SYNE1: variants seen among roughly 807,000 people sequenced by gnomAD.
SYNE1 encodes spectrin repeat containing nuclear envelope protein 1.
Under a neutral mutation model 1,111.0 loss-of-function variants are expected in SYNE1, and 616 were observed. The ratio of observed to expected loss-of-function variants is 0.55; its 90% CI spans 0.52 to 0.59. SYNE1 has a LOEUF of 0.59. Ranked by LOEUF, SYNE1 falls within the 20% of genes least tolerant of loss-of-function variation. The pLI is 0.00. For synonymous variants in SYNE1, 3,855 were observed against 3,825.8 expected, an observed-to-expected ratio of 1.01 and a Z score of -0.28; for missense variants, 10,006 against 10,417.0, an observed-to-expected ratio of 0.96 and a Z score of 1.72.
intron 93 of SYNE1, among the ~76,000 whole-genome samples, chr6:152,298,509 GAC>G (rs2095001869): frequency 6.6e-6 from 1 of 151,968 alleles, no homozygotes; most frequent in Non-Finnish European, 1.5e-5. Flanking sequence ...CTGTGAGTGG[GAC>G]CAGGTAGTTA....
chr6:152,524,991 G>A (rs1203135548), intron 5 of SYNE1, among the ~76,000 whole-genome samples: 2 of 152,140 alleles, frequency 1.3e-5, no homozygotes, highest in African/African-American at 4.8e-5. Flanking sequence ...AAAGCCCTGA[G>A]GCAGAAAGCC....
At chr6:152,605,011 AGAG>A (rs1565140203) in intron 3 of SYNE1, among the ~76,000 whole-genome samples, 19 of 42,968 alleles carry the variant, frequency 4.4e-4, no homozygotes, top group African/African-American at 8.9e-4. Flanking sequence ...AAAGAAAGAG[AGAG>A]AGAGAGAGAG....
chr6:152,203,906 T>C (rs2076000729), intron 126 of SYNE1, among the ~76,000 whole-genome samples: 1 of 152,204 alleles, frequency 6.6e-6, no homozygotes, highest in South Asian at 2.1e-4. Context: ...TCCTTTGTTT[T>C]ATGCTTTGTG....
At chr6:152,624,013 A>C (rs1297188730) in intron 3 of SYNE1, among the ~76,000 whole-genome samples, 2 of 152,170 alleles carry the variant, frequency 1.3e-5, no homozygotes, top group African/African-American at 4.8e-5. Context: ...TTACTCATAA[A>C]AAATTTTCAA....
At chr6:152,241,523 T>TGC in intron 107 of SYNE1, among the ~76,000 whole-genome samples, 2 of 141,154 alleles carry the variant, frequency 1.4e-5, no homozygotes, top group African/African-American at 5.3e-5. Context: ...TGTGTGTGTG[T>TGC]GTGTGTGAAA....
intron 74 of SYNE1, among the ~76,000 whole-genome samples, chr6:152,340,459 A>G (rs1469978356): frequency 1.3e-5 from 2 of 152,192 alleles, no homozygotes; most frequent in African/African-American, 4.8e-5. Flanking sequence ...ATAGCTTGCT[A>G]GAACGTCAGC....
chr6:152,285,535 C>T (rs906189298), intron 95 of SYNE1, among the ~76,000 whole-genome samples: 1 of 151,984 alleles, frequency 6.6e-6, no homozygotes, highest in Non-Finnish European at 1.5e-5. Flanking sequence ...CTCTTCCTGC[C>T]TCGTGTGCCA....
At chr6:152,217,313 G>T (rs368636423) in intron 121 of SYNE1, among the ~76,000 whole-genome samples, 97 of 143,436 alleles carry the variant, frequency 6.8e-4, no homozygotes, top group Non-Finnish European at 9.3e-4. Flanking sequence ...AGAGAATGGC[G>T]TGAACCTGGG....
At chr6:152,217,902 C>T (rs1427461441) in intron 121 of SYNE1, among the ~76,000 whole-genome samples, 1 of 152,118 alleles carries the variant, frequency 6.6e-6, no homozygotes. Flanking sequence ...AGTGGGTCTA[C>T]ATCAGCTTTG....
intron 4 of SYNE1, among the ~76,000 whole-genome samples, chr6:152,528,730 G>A (rs1399561223): frequency 6.6e-6 from 1 of 152,104 alleles, no homozygotes; most frequent in African/African-American, 2.4e-5. Context: ...TAGTACATAC[G>A]ATGCTTCTAT....
intron 3 of SYNE1, among the ~76,000 whole-genome samples, chr6:152,571,929 T>A (rs949172276): frequency 1.3e-5 from 2 of 152,216 alleles, no homozygotes; most frequent in African/African-American, 4.8e-5. Context: ...TTGTGCATCA[T>A]CACAGTTTTT....
In SYNE1 at chr6:152,122,297, A is replaced by C; in HGVS notation, c.*139T>G. The stretch of plus-strand genomic sequence containing the variant: ...ACCTCTGAAGCCATAATTTGCACAC[A>C]TGTGATCTGGAGGAGGGCTAAAGCT... On this transcript the variant is annotated 3_prime_UTR_variant, in exon 146 of 146. Transcript: ENST00000367255. 1 of 1,354,584 alleles carries C rather than the reference A, an allele frequency of 7.4e-7. No homozygotes were observed. The highest frequency in any genetic ancestry group is 1.7e-5 in the Admixed American group (1 of 57,526). The allele number at this position is 1,354,584 out of a possible 1,614,324, so 83.9% of individuals were successfully genotyped here.
At chr6:152,328,882 A>C (rs905592157) in intron 78 of SYNE1, among the ~76,000 whole-genome samples, 6 of 152,204 alleles carry the variant, frequency 3.9e-5, no homozygotes, top group African/African-American at 1.4e-4. Flanking sequence ...GGAGAAGGAC[A>C]GCACTCATCC....
intron 128 of SYNE1, among the ~76,000 whole-genome samples, chr6:152,183,836 T>G (rs2068857788): frequency 6.6e-6 from 1 of 152,136 alleles, no homozygotes; most frequent in Non-Finnish European, 1.5e-5. Flanking sequence ...GGGGCACTTG[T>G]TTAGAATCAG....
chr6:152,406,207 C>G (rs896817353), intron 45 of SYNE1, among the ~76,000 whole-genome samples: 4 of 152,000 alleles, frequency 2.6e-5, no homozygotes, highest in African/African-American at 9.7e-5. Flanking sequence ...TTTGTGGAAG[C>G]CTGTGACCCT....
intron 101 of SYNE1, 99 bp from the exon 102 acceptor site, chr6:152,256,864 C>A: frequency 6.4e-7 from 1 of 1,556,368 alleles, no homozygotes. Context: ...AAAACACTGT[C>A]CATATGAAAA....
Position 152,628,252 on chromosome 6 carries a change from T to A in SYNE1, c.67+13A>T. 7 of 1,613,998 alleles carry A rather than the reference T, an allele frequency of 4.3e-6. No homozygotes were observed. The highest frequency in any genetic ancestry group is 5.9e-6 in the Non-Finnish European group (7 of 1,179,972). On this transcript the variant is annotated intron_variant, in intron 3 of 145. Coordinates refer to ENST00000367255, the MANE Select transcript of SYNE1 (RefSeq NM_182961.4). Reference sequence around the variant, plus strand: ...TTTGAATTTTTTTAAAACCTGAAATTTCTTCCCCCTACCTTGCAGCCTCTG... The same window carrying A: ...TTTGAATTTTTTTAAAACCTGAAATATCTTCCCCCTACCTTGCAGCCTCTG...
chr6:152,453,769 C>G, intron 24 of SYNE1, 49 bp from the exon 25 acceptor site: 3 of 1,612,952 alleles, frequency 1.9e-6, no homozygotes, highest in Non-Finnish European at 2.5e-6. Flanking sequence ...GACGAAAAGG[C>G]AGCACCAGGC....
chr6:152,392,290 G>A (rs1181393899), intron 51 of SYNE1, among the ~76,000 whole-genome samples: 1 of 152,144 alleles, frequency 6.6e-6, no homozygotes, highest in Non-Finnish European at 1.5e-5. Context: ...TCGAAAAGCT[G>A]TTGTAGGAGC....
Sources: gnomAD v4.1 joint callset for allele counts (sites outside exome capture counted in the v4.1 genomes callset) on GRCh38, gnomAD v4.1.1 for gene constraint, MANE v1.5 for transcripts, NCBI Gene and HGNC (gene_info 2026-07-23, HGNC 2026-07-21) for gene names.